Variants in PSD3 observed in about 807,000 individuals in gnomAD.
PSD3 encodes the protein PH and SEC7 domain-containing protein 3.
PSD3 carries 49 observed loss-of-function variants against 105.5 expected under a neutral mutation model. The observed-to-expected ratio is 0.46, with a 90% CI of 0.37 to 0.59. The LOEUF is 0.59. Among genes scored for constraint, PSD3 ranks in the 20% least tolerant of loss-of-function variants. PSD3 has a pLI of 0.00. For synonymous variants in PSD3, 557 were observed against 457.8 expected, an observed-to-expected ratio of 1.22 and a Z score of -2.77; for missense variants, 1,561 against 1,263.8, an observed-to-expected ratio of 1.24 and a Z score of -3.57.
intron 12 of PSD3, among the ~76,000 whole-genome samples, chr8:18,590,224 G>A (rs905221728): frequency 6.6e-6 from 1 of 152,044 alleles, no homozygotes; most frequent in Admixed American, 6.6e-5. Flanking sequence ...TAAATCAAAT[G>A]TATTCCTTCC....
intron 15 of PSD3, 52 bp downstream of exon 15, chr8:18,556,157 A>T: frequency 5.0e-6 from 8 of 1,598,206 alleles, no homozygotes; most frequent in Non-Finnish European, 6.8e-6. Context: ...TCATGGACAG[A>T]TCATAAGAAA....
intron 2 of PSD3, among the ~76,000 whole-genome samples, chr8:18,877,689 G>A (rs1303716156): frequency 1.3e-5 from 2 of 151,526 alleles, no homozygotes; most frequent in Non-Finnish European, 2.9e-5. Context: ...CTATACGCAT[G>A]CACCACCATG....
At chr8:18,646,400 G>T (rs905600076) in intron 10 of PSD3, among the ~76,000 whole-genome samples, 17 of 152,150 alleles carry the variant, frequency 1.1e-4, no homozygotes, top group African/African-American at 4.1e-4. Flanking sequence ...GCAAAAAAAG[G>T]AAATTACCAT....
intron 1 of PSD3, among the ~76,000 whole-genome samples, chr8:19,071,146 G>A (rs540643014): frequency 5.9e-5 from 9 of 151,792 alleles, no homozygotes; most frequent in East Asian, 1.9e-4. Context: ...TGCAACCTCC[G>A]CCTCCTGGGT....
intron 4 of PSD3, among the ~76,000 whole-genome samples, chr8:18,839,749 G>C (rs1563332098): frequency 6.6e-6 from 1 of 152,114 alleles, no homozygotes; most frequent in Non-Finnish European, 1.5e-5. Flanking sequence ...TCTCCTCCAA[G>C]TATCTTACTC....
intron 15 of PSD3, among the ~76,000 whole-genome samples, chr8:18,554,434 C>T (rs905131843): frequency 2.0e-5 from 3 of 151,896 alleles, no homozygotes; most frequent in Non-Finnish European, 4.4e-5. Flanking sequence ...AAGGCTTCTA[C>T]GGTTTTTGCT....
At chr8:18,821,872 C>CACA (rs10625767) in intron 4 of PSD3, among the ~76,000 whole-genome samples, 5,463 of 137,234 alleles carry the variant, frequency 0.04, 133 homozygotes, top group East Asian at 0.071. Flanking sequence ...TGCACACACA[C>CACA]CACACACACA....
rs1801122407 is a variant in PSD3, at chr8:18,557,014, ACC to A, written c.2785-664_2785-663del. On this transcript the variant is annotated intron_variant, in intron 14 of 15. Coordinates refer to ENST00000327040, the MANE Select transcript of PSD3 (RefSeq NM_015310.4). Reference sequence around the variant, plus strand: ...TTGCCTTAGTAGCATTATTATAGGTACCGTGTACCAATGCAATATGGTTGATC... The same window carrying A: ...TTGCCTTAGTAGCATTATTATAGGTAGTGTACCAATGCAATATGGTTGATC... Among the ~76,000 whole-genome samples the A allele has an allele frequency of 2.0e-5, 3 of 152,240 alleles. No homozygotes were observed. In the South Asian group the frequency reaches 6.2e-4, roughly 31 times the overall value.
At chr8:18,869,504 C>A (rs1183222675) in intron 3 of PSD3, among the ~76,000 whole-genome samples, 1 of 152,146 alleles carries the variant, frequency 6.6e-6, no homozygotes, top group African/African-American at 2.4e-5. Flanking sequence ...GCATTAGCCA[C>A]ACAGGGAGAG....
intron 12 of PSD3, among the ~76,000 whole-genome samples, chr8:18,593,974 T>G (rs1346552698): frequency 8.9e-5 from 3 of 33,878 alleles, no homozygotes; most frequent in Non-Finnish European, 1.4e-4. Context: ...GGGCCTGTTG[T>G]GGGGCGGGGG....
chr8:18,604,376 G>T (rs1804661683), intron 11 of PSD3, among the ~76,000 whole-genome samples: 1 of 152,136 alleles, frequency 6.6e-6, no homozygotes, highest in Non-Finnish European at 1.5e-5. Flanking sequence ...AGGGTATCTG[G>T]CAGAAGAAAT....
chr8:18,953,265 G>A (rs1485432844), intron 1 of PSD3, among the ~76,000 whole-genome samples: 1 of 152,050 alleles, frequency 6.6e-6, no homozygotes, highest in Non-Finnish European at 1.5e-5. Flanking sequence ...TAAATTAATG[G>A]TGACGCGGCA....
chr8:18,660,194 C>A (rs539022107), intron 9 of PSD3, among the ~76,000 whole-genome samples: 12 of 151,788 alleles, frequency 7.9e-5, no homozygotes, highest in Non-Finnish European at 1.6e-4. Flanking sequence ...AGAAGGCAGA[C>A]GGAGATTTAA....
At chr8:18,821,353 T>C (rs1041091150) in intron 4 of PSD3, among the ~76,000 whole-genome samples, 3 of 150,350 alleles carry the variant, frequency 2.0e-5, no homozygotes, top group Non-Finnish European at 4.4e-5. Flanking sequence ...AGAATACATT[T>C]GAGATTATTA....
intron 11 of PSD3, among the ~76,000 whole-genome samples, chr8:18,622,195 T>A (rs1806163134): frequency 6.6e-6 from 1 of 152,344 alleles, no homozygotes; most frequent in African/African-American, 2.4e-5. Context: ...ATCTCAGGAC[T>A]GTACAATGAC....
intron 1 of PSD3, among the ~76,000 whole-genome samples, chr8:19,053,804 T>G (rs1274163808): frequency 6.6e-6 from 1 of 152,242 alleles, no homozygotes; most frequent in South Asian, 2.1e-4. Flanking sequence ...TTTTTCTGTT[T>G]TGTTCACTGC....
chr8:18,918,311 C>T (rs1233683682), intron 2 of PSD3, among the ~76,000 whole-genome samples: 1 of 152,204 alleles, frequency 6.6e-6, no homozygotes, highest in African/African-American at 2.4e-5. Context: ...AAAAACTCTG[C>T]TCAGATCTCA....
intron 4 of PSD3, among the ~76,000 whole-genome samples, chr8:18,812,677 G>A (rs753241239): frequency 6.6e-6 from 1 of 152,170 alleles, no homozygotes; most frequent in Non-Finnish European, 1.5e-5. Context: ...CACAGGTTGT[G>A]AGAAAAAGAA....
intron 1 of PSD3, among the ~76,000 whole-genome samples, chr8:18,998,094 T>C (rs919726352): frequency 4.6e-5 from 7 of 151,950 alleles, no homozygotes; most frequent in Non-Finnish European, 1.0e-4. Context: ...ACACCATCTG[T>C]TGAATGAATG....
Sources: allele counts gnomAD v4.1 joint callset (sites outside exome capture counted in the v4.1 genomes callset), GRCh38; gene constraint gnomAD v4.1.1; transcripts MANE v1.5; gene names NCBI Gene and HGNC (gene_info 2026-07-23, HGNC 2026-07-21).